TENM3: variants seen among roughly 807,000 people sequenced by gnomAD.
The protein encoded by TENM3 is teneurin-3.
A neutral mutation model predicts 255.1 loss-of-function variants in TENM3; 63 were observed. That is an observed-to-expected ratio of 0.25 (90% CI 0.20 to 0.30). The LOEUF is 0.30. TENM3 is among the 10% of genes least tolerant of loss of function. The pLI is 1.00. For missense variants in TENM3, 2,929 were observed against 3,461.1 expected, an observed-to-expected ratio of 0.85 and a Z score of 3.86; for synonymous variants, 1,306 against 1,322.3, an observed-to-expected ratio of 0.99 and a Z score of 0.27.
intron 3 of TENM3, among the ~76,000 whole-genome samples, chr4:182,572,676 C>A (rs1393244568): frequency 1.3e-5 from 2 of 152,082 alleles, no homozygotes; most frequent in East Asian, 3.9e-4. Context: ...TAGAAAAAAA[C>A]AAAATTGAAG....
intron 3 of TENM3, among the ~76,000 whole-genome samples, chr4:182,465,839 C>A (rs566012293): frequency 6.6e-6 from 1 of 151,998 alleles, no homozygotes; most frequent in East Asian, 1.9e-4. Flanking sequence ...TAAATATTGA[C>A]CAGTTGCATA....
chr4:182,405,119 G>T (rs1769470419), intron 3 of TENM3, among the ~76,000 whole-genome samples: 1 of 152,114 alleles, frequency 6.6e-6, no homozygotes, highest in African/African-American at 2.4e-5. Context: ...AAGGTATTAG[G>T]CGTCATTACT....
chr4:182,253,970 A>G (rs1264446923), intron 1 of TENM3, among the ~76,000 whole-genome samples: 1 of 152,214 alleles, frequency 6.6e-6, no homozygotes, highest in Non-Finnish European at 1.5e-5. Flanking sequence ...CATTTTGTAT[A>G]TTTTATGTTT....
the TENM3 span, among the ~76,000 whole-genome samples, chr4:181,815,950 T>C: frequency 2.0e-5 from 3 of 152,238 alleles, no homozygotes; most frequent in African/African-American, 7.2e-5. Flanking sequence ...GTTCAGAGAT[T>C]AAAATGTGTC....
At chr4:182,728,003 G>A (rs1336483252) in intron 13 of TENM3, among the ~76,000 whole-genome samples, 2 of 151,876 alleles carry the variant, frequency 1.3e-5, no homozygotes, top group Non-Finnish European at 2.9e-5. Context: ...TGGGACAACA[G>A]GCACCTGTCA....
At chr4:181,854,887 A>T in the TENM3 span, among the ~76,000 whole-genome samples, 1 of 152,352 alleles carries the variant, frequency 6.6e-6, no homozygotes, top group East Asian at 1.9e-4. Flanking sequence ...GAGACTACAG[A>T]GTACGCGTTA....
At chr4:181,673,823 C>A in the TENM3 span, among the ~76,000 whole-genome samples, 39 of 150,886 alleles carry the variant, frequency 2.6e-4, no homozygotes, top group Non-Finnish European at 4.9e-4. Context: ...GTAGTGACCA[C>A]CTTGGAAAGT....
the TENM3 span, among the ~76,000 whole-genome samples, chr4:182,129,852 A>G: frequency 1.3e-5 from 2 of 152,172 alleles, no homozygotes; most frequent in Admixed American, 6.5e-5. Flanking sequence ...GCTTAAAACT[A>G]TAACACTATA....
At chr4:182,057,393 T>C in the TENM3 span, among the ~76,000 whole-genome samples, 61 of 151,008 alleles carry the variant, frequency 4.0e-4, no homozygotes, top group Admixed American at 2.0e-3. Flanking sequence ...TTTTATCTTT[T>C]TTTTCTTTTC....
chr4:181,688,898 G>C, the TENM3 span, among the ~76,000 whole-genome samples: 3,063 of 152,190 alleles, frequency 0.02, 89 homozygotes, highest in African/African-American at 0.07. Flanking sequence ...TCCCTTTCAC[G>C]GGACCCCATT....
chr4:181,746,800 A>G, the TENM3 span, among the ~76,000 whole-genome samples: 1 of 151,294 alleles, frequency 6.6e-6, no homozygotes, highest in African/African-American at 2.4e-5. Context: ...TGTTTTACAC[A>G]TTGCTTCCTC....
At chr4:181,791,836 C>T in the TENM3 span, among the ~76,000 whole-genome samples, 2 of 152,134 alleles carry the variant, frequency 1.3e-5, no homozygotes, top group African/African-American at 4.8e-5. Context: ...TTGACTAGTA[C>T]CAAAACATAA....
At chr4:182,018,505 A>G in the TENM3 span, among the ~76,000 whole-genome samples, 2 of 152,184 alleles carry the variant, frequency 1.3e-5, no homozygotes, top group Non-Finnish European at 1.5e-5. Context: ...CCAGCATTCT[A>G]ATCTCAAACT....
At chr4:182,732,100 G>T (rs1271996992) in intron 16 of TENM3, among the ~76,000 whole-genome samples, 1 of 151,924 alleles carries the variant, frequency 6.6e-6, no homozygotes, top group African/African-American at 2.4e-5. Flanking sequence ...ATTTCTTAAA[G>T]ATCTACTCAA....
the TENM3 span, among the ~76,000 whole-genome samples, chr4:181,650,200 G>T: frequency 6.6e-6 from 1 of 152,150 alleles, no homozygotes; most frequent in Non-Finnish European, 1.5e-5. Context: ...TTCTGAAACG[G>T]ATTTACTAAC....
chr4:182,770,740 C>T (rs976122411), intron 22 of TENM3, among the ~76,000 whole-genome samples: 27 of 152,178 alleles, frequency 1.8e-4, no homozygotes, highest in South Asian at 4.1e-4. Flanking sequence ...ACGTATATGA[C>T]CTCTGCTCAC....
At chr4:181,627,583 G>C in the TENM3 span, among the ~76,000 whole-genome samples, 1 of 152,136 alleles carries the variant, frequency 6.6e-6, no homozygotes, top group Admixed American at 6.6e-5. Flanking sequence ...AGAACATGCG[G>C]TGTTTGGTTT....
At chr4:182,330,928 T>A (rs1763708578) in intron 2 of TENM3, among the ~76,000 whole-genome samples, 1 of 152,190 alleles carries the variant, frequency 6.6e-6, no homozygotes, top group Non-Finnish European at 1.5e-5. Context: ...CAAATTCTCA[T>A]CTCATCTGAA....
At chr4:182,139,365 T>C (rs560540684), upstream of TENM3, among the ~76,000 whole-genome samples, 4 of 152,314 alleles carry the variant, frequency 2.6e-5, no homozygotes, top group African/African-American at 9.6e-5. Context: ...ATGTTCAATT[T>C]GTCTGATACT....
Sources: gnomAD v4.1 joint callset for allele counts (sites outside exome capture counted in the v4.1 genomes callset) on GRCh38, gnomAD v4.1.1 for gene constraint, MANE v1.5 for transcripts, NCBI Gene and HGNC (gene_info 2026-07-23, HGNC 2026-07-21) for gene names.